GPAM: variants seen among roughly 807,000 people sequenced by gnomAD.
The protein encoded by GPAM is glycerol-3-phosphate acyltransferase 1, mitochondrial.
GPAM carries 56 observed loss-of-function variants against 105.0 expected under a neutral mutation model. That is an observed-to-expected ratio of 0.53 (90% CI 0.43 to 0.67). The LOEUF (loss-of-function observed/expected upper bound fraction) is 0.67, where lower values mean the gene tolerates loss of function less well. GPAM is among the 30% of genes least tolerant of loss of function. The probability of loss-of-function intolerance (pLI) is 0.00; values close to 1 mark genes in which losing one functional copy is unlikely to be tolerated. For synonymous variants in GPAM, 368 were observed against 354.4 expected, an observed-to-expected ratio of 1.04 and a Z score of -0.43; for missense variants, 855 against 989.8, an observed-to-expected ratio of 0.86 and a Z score of 1.83.
intron 21 of GPAM, 58 bp from the exon 22 acceptor site, chr10:112,153,724 C>T (rs1846962596): frequency 4.4e-6 from 7 of 1,578,164 alleles, no homozygotes; most frequent in Non-Finnish European, 6.0e-6. Context: ...AAAAAATTTC[C>T]ATTACCAACC....
At position 112,160,642 on chromosome 10, in the gene GPAM, T is replaced by C. The variant is rs749844949; in HGVS notation, c.1721A>G (p.Asn574Ser). ...PSVFELNFYS[N>S]GVLHVFIMEA... The stretch of plus-strand genomic sequence containing the variant: ...CATGATAAAGACATGAAGTACCCCA[T>C]TGCTGTAGAAGTTGAGTTCGAAGAC... Residue 574 changes from asparagine to serine, a missense_variant, in exon 16 of 22, where the codon AAT becomes AGT. By Grantham distance (46) the Asn-to-Ser change is conservative. Coordinates refer to ENST00000348367, the MANE Select transcript of GPAM (RefSeq NM_001244949.2). 9 of 1,613,350 alleles carry C rather than the reference T, an allele frequency of 5.6e-6. No individual in the cohort carries two copies. Among genetic ancestry groups the C allele is most frequent in the South Asian group, 4.4e-5 (4 of 91,064 alleles).
At chr10:112,207,605 G>A (rs141345324) in intron 1 of GPAM, among the ~76,000 whole-genome samples, 2 of 152,252 alleles carry the variant, frequency 1.3e-5, no homozygotes, top group Non-Finnish European at 2.9e-5. Flanking sequence ...TAATAATTAA[G>A]TAGACATATT....
At position 112,151,470 on chromosome 10, in the gene GPAM, A is replaced by G. The variant is rs994704943; in HGVS notation, c.*2080T>C. On this transcript the variant is annotated 3_prime_UTR_variant, in exon 22 of 22. Coordinates refer to ENST00000348367, the MANE Select transcript of GPAM (RefSeq NM_001244949.2). ...ATTTTCAAAGCACCAGTTAATTACA[A>G]AAAGCATGCATATTTATCCTCACAG... The G allele has an allele frequency of 4.1e-6, 4 of 985,736 alleles. No homozygotes were observed. Among genetic ancestry groups the G allele is most frequent in the Admixed American group, 6.1e-5 (1 of 16,268 alleles). The allele number at this position is 985,736 out of a possible 1,614,324, so 61.1% of individuals were successfully genotyped here.
chr10:112,166,641 G>C, intron 11 of GPAM, 126 bp from the exon 12 acceptor site: 2 of 723,618 alleles, frequency 2.8e-6, no homozygotes, highest in Non-Finnish European at 2.5e-6. Flanking sequence ...AACAATGAAT[G>C]AAGAAGGAAA....
intron 11 of GPAM, among the ~76,000 whole-genome samples, chr10:112,167,725 A>G (rs553369389): frequency 6.6e-5 from 10 of 152,366 alleles, no homozygotes; most frequent in Admixed American, 5.9e-4. Context: ...GAGAAGCACA[A>G]GGAGGGTTTC....
chr10:112,158,468 AAGGT>A (rs1182033302), intron 17 of GPAM, 75 bp from the exon 18 acceptor site: 1 of 942,866 alleles, frequency 1.1e-6, no homozygotes, highest in Non-Finnish European at 1.7e-6. Flanking sequence ...AACATGGTAC[AAGGT>A]AGCTGCCAAA....
chr10:112,176,533 A>G (rs1847408110), intron 5 of GPAM, among the ~76,000 whole-genome samples: 1 of 152,232 alleles, frequency 6.6e-6, no homozygotes. Context: ...TTGAAAGAGA[A>G]CTGTTTATGA....
At chr10:112,203,918 G>C (rs764885250) in intron 1 of GPAM, among the ~76,000 whole-genome samples, 1 of 152,190 alleles carries the variant, frequency 6.6e-6, no homozygotes, top group Non-Finnish European at 1.5e-5. Context: ...GGAGCCCCTA[G>C]TCAGTGTCTC....
At chr10:112,180,435 T>G in intron 4 of GPAM, 38 bp downstream of exon 4, 1 of 1,605,428 alleles carries the variant, frequency 6.2e-7, no homozygotes, top group Non-Finnish European at 8.5e-7. Flanking sequence ...TAATATTTTA[T>G]GCTGAGTATT....
At chr10:112,191,556 C>T (rs915991500) in intron 1 of GPAM, among the ~76,000 whole-genome samples, 3 of 152,122 alleles carry the variant, frequency 2.0e-5, no homozygotes, top group Non-Finnish European at 4.4e-5. Flanking sequence ...AGGTATTTTT[C>T]CTTTCTCCCA....
the GPAM span, among the ~76,000 whole-genome samples, chr10:112,221,110 A>G: frequency 2.0e-5 from 3 of 152,332 alleles, no homozygotes; most frequent in East Asian, 1.9e-4. Flanking sequence ...AAAGGAGGCT[A>G]GAAATAAGGA....
At chr10:112,183,803 G>A (rs971627244), upstream of GPAM, 5 of 152,344 alleles carry the variant, frequency 3.3e-5, no homozygotes, top group East Asian at 1.9e-4. Flanking sequence ...ATTGACGCGG[G>A]GCCGCCGGCT....
At chr10:112,162,905 C>G (rs920349831) in intron 14 of GPAM, among the ~76,000 whole-genome samples, 2 of 151,892 alleles carry the variant, frequency 1.3e-5, no homozygotes, top group Non-Finnish European at 2.9e-5. Flanking sequence ...AGAAAGAATC[C>G]TCTGACCCAA....
chr10:112,214,782 G>A (rs935600461), intron 1 of GPAM, among the ~76,000 whole-genome samples: 2 of 152,196 alleles, frequency 1.3e-5, no homozygotes, highest in Non-Finnish European at 2.9e-5. Flanking sequence ...GACGTTTCAA[G>A]CTAAAGCAAT....
chr10:112,167,199 T>C (rs1446141892), intron 11 of GPAM, among the ~76,000 whole-genome samples: 2 of 152,154 alleles, frequency 1.3e-5, no homozygotes, highest in African/African-American at 4.8e-5. Context: ...TCAGACGTCC[T>C]TGAATTTCTG....
chr10:112,174,165 AAAAG>A (rs1232003676), intron 6 of GPAM, among the ~76,000 whole-genome samples: 9 of 152,214 alleles, frequency 5.9e-5, no homozygotes, highest in African/African-American at 2.2e-4. Flanking sequence ...AGAAGAGAGA[AAAAG>A]AAAGGTTATC....
chr10:112,152,172 C>T lies in GPAM; in HGVS notation c.*1378G>A, dbSNP rs1326808393. 1.0e-6 allele frequency: 1 copy of T among 975,192 alleles called. No individual in the cohort carries two copies. The highest frequency in any genetic ancestry group is 1.2e-6 in the Non-Finnish European group (1 of 820,860). 60.4% of individuals were successfully genotyped at this position (975,192 alleles called of 1,614,324 possible). On this transcript the variant is annotated 3_prime_UTR_variant, in exon 22 of 22. Coordinates refer to ENST00000348367, the MANE Select transcript of GPAM (RefSeq NM_001244949.2). ...CTAAATTCAAAGAATCTATGTAACACTCATCTGGAAAAATTCTTAATTCCA... is the reference window on the plus strand; with the variant it reads ...CTAAATTCAAAGAATCTATGTAACATTCATCTGGAAAAATTCTTAATTCCA...
intron 4 of GPAM, among the ~76,000 whole-genome samples, chr10:112,178,876 T>A (rs1847455493): frequency 6.6e-6 from 1 of 152,176 alleles, no homozygotes; most frequent in South Asian, 2.1e-4. Context: ...TAAATAACTG[T>A]CCATTTAATG....
intron 1 of GPAM, among the ~76,000 whole-genome samples, chr10:112,194,363 T>A (rs955255618): frequency 6.6e-6 from 1 of 152,230 alleles, no homozygotes; most frequent in East Asian, 1.9e-4. Flanking sequence ...ACTTAGGTGC[T>A]TCTAACAAGA....
Sources: allele counts gnomAD v4.1 joint callset (sites outside exome capture counted in the v4.1 genomes callset), GRCh38; gene constraint gnomAD v4.1.1; transcripts MANE v1.5; gene names NCBI Gene and HGNC (gene_info 2026-07-23, HGNC 2026-07-21).